Variants in CYP27A1 observed in about 807,000 individuals in gnomAD.
CYP27A1 encodes sterol 26-hydroxylase, mitochondrial.
Under a neutral mutation model 58.2 loss-of-function variants are expected in CYP27A1, and 46 were observed. That is an observed-to-expected ratio of 0.79 (90% CI 0.62 to 1.01). CYP27A1 has a LOEUF of 1.01. Ranked by LOEUF, CYP27A1 falls within the 50% of genes least tolerant of loss-of-function variation. The pLI is 0.00. For missense variants in CYP27A1, 704 were observed against 687.0 expected, an observed-to-expected ratio of 1.02 and a Z score of -0.28; for synonymous variants, 274 against 285.1, an observed-to-expected ratio of 0.96 and a Z score of 0.39.
intron 1 of CYP27A1, among the ~76,000 whole-genome samples, chr2:218,789,444 T>C (rs898745920): frequency 6.6e-6 from 1 of 152,146 alleles, no homozygotes; most frequent in Non-Finnish European, 1.5e-5. Flanking sequence ...AGAAGATGTA[T>C]GAACAGAAAA....
At chr2:218,800,254 G>T (rs12694443) in intron 1 of CYP27A1, among the ~76,000 whole-genome samples, 71,477 of 151,656 alleles carry the variant, frequency 0.47, 17,310 homozygotes, top group Non-Finnish European at 0.51. Context: ...GTTCCAGGAG[G>T]ATCACAGGGC....
At position 218,814,593 on chromosome 2, in the gene CYP27A1, T is replaced by G. The variant is rs367920782; in HGVS notation, c.1312T>G (p.Phe438Val). The change falls in exon 8 of 9, where the codon TTC becomes GTC. Residue 438 changes from phenylalanine to valine, a missense_variant. Phe to Val is a conservative substitution (Grantham distance 50, BLOSUM62 -1). Coordinates refer to ENST00000258415, the MANE Select transcript of CYP27A1 (RefSeq NM_000784.4). ...HYVVSRDPTAFSEPESFQPHR... is the reference protein window; with the variant it reads ...HYVVSRDPTAVSEPESFQPHR... Reference sequence around the variant, plus strand: ...TGTGGTGTCCCGGGACCCCACTGCCTTCTCTGAGCCTGAAAGCTTCCAGCC... The same window carrying G: ...TGTGGTGTCCCGGGACCCCACTGCCGTCTCTGAGCCTGAAAGCTTCCAGCC... 3.1e-6 allele frequency: 5 copies of G among 1,614,094 alleles called. No individual in the cohort carries two copies. The African/African-American group carries it at 6.7e-5, about 22-fold the overall frequency.
chr2:218,786,830 T>C (rs553965348), intron 1 of CYP27A1, among the ~76,000 whole-genome samples: 284 of 152,138 alleles, frequency 1.9e-3, no homozygotes, highest in African/African-American at 6.7e-3. Context: ...TGTCTCACTC[T>C]GTCACCCAGG....
Position 218,812,954 on chromosome 2 carries a change from A to G in CYP27A1, c.875A>G (p.Asp292Gly). 3 of 1,614,148 alleles carry G rather than the reference A, an allele frequency of 1.9e-6. No homozygotes were observed. The highest frequency in any genetic ancestry group is 2.5e-6 in the Non-Finnish European group (3 of 1,180,024). The change falls in exon 5 of 9, where the codon GAT becomes GGT. Residue 292 changes from aspartate to glycine, a missense_variant. Asp to Gly is a moderately conservative substitution (Grantham distance 94, BLOSUM62 -1). Transcript: ENST00000258415. ...AAGCTGATTGATGAGAAGCTCGAAG[A>G]TATGGAGGCCCAACTGCAGGCAGCA... ...GKKLIDEKLEDMEAQLQAAGP... is the reference protein window; with the variant it reads ...GKKLIDEKLEGMEAQLQAAGP...
At chr2:218,804,718 G>T (rs912357007) in intron 1 of CYP27A1, among the ~76,000 whole-genome samples, 1 of 152,200 alleles carries the variant, frequency 6.6e-6, no homozygotes, top group Non-Finnish European at 1.5e-5. Flanking sequence ...TCCTTCAGCA[G>T]TGTCTAGTAG....
rs537487169 is a variant in CYP27A1, at chr2:218,796,502, G to A, written c.256-13075G>A. 3.5e-4 allele frequency among the ~76,000 whole-genome samples: 53 copies of A among 152,228 alleles called. 1 individual carries two copies. The highest frequency in any genetic ancestry group is 1.7e-3 in the South Asian group (8 of 4,816). ...CCAGCTACTTGGGAAGCTGAGGCAG[G>A]AGAATCACTTGAACCCGGGAGGCAG... On this transcript the variant is annotated intron_variant, in intron 1 of 8. Transcript: ENST00000258415.
chr2:218,787,803 C>T (rs1190228602), intron 1 of CYP27A1, among the ~76,000 whole-genome samples: 1 of 152,168 alleles, frequency 6.6e-6, no homozygotes, highest in South Asian at 2.1e-4. Flanking sequence ...AAACAAATTG[C>T]TGTTCTTTAT....
In CYP27A1 at chr2:218,814,028, A is replaced by C; in HGVS notation, c.1025A>C (p.Asn342Thr). The C allele has an allele frequency of 8.7e-6, 14 of 1,614,012 alleles. No homozygotes were observed. Among genetic ancestry groups the C allele is most frequent in the Non-Finnish European group, 1.2e-5 (14 of 1,179,996 alleles). Residue 342 changes from asparagine to threonine, a missense_variant, in exon 6 of 9, where the codon AAC becomes ACC. Physicochemically the swap from Asn to Thr is moderately conservative, Grantham distance 65. Coordinates refer to ENST00000258415, the MANE Select transcript of CYP27A1 (RefSeq NM_000784.4). The part of the protein sequence containing the change: ...LLMAGVDTTS[N>T]TLTWALYHLS... Reference sequence around the variant, plus strand: ...TCCCACTCTATCTTCTAGACATCCAACACGCTGACATGGGCCCTGTACCAC... The same window carrying C: ...TCCCACTCTATCTTCTAGACATCCACCACGCTGACATGGGCCCTGTACCAC...
At position 218,804,625 on chromosome 2, in the gene CYP27A1, T is replaced by C. The variant is rs558672105; in HGVS notation, c.256-4952T>C. On this transcript the variant is annotated intron_variant, in intron 1 of 8. Transcript: ENST00000258415. ...GAATGCATTGAATTTGTAGTTTGCC[T>C]TGGGGAGTACTGCTGTTTTAACAAT... Among the ~76,000 whole-genome samples, 34 of 152,352 alleles carry C rather than the reference T, an allele frequency of 2.2e-4. 2 individuals carry two copies. Among genetic ancestry groups the C allele is most frequent in the African/African-American group, 7.9e-4 (33 of 41,580 alleles).
rs757381848 is a variant in CYP27A1 at position 218,814,554 on chromosome 2, G to C, written c.1273G>C (p.Val425Leu). ...CAATCTTCCTTTATAGACCCAGTTT[G>C]TGTTCTGCCACTATGTGGTGTCCCG... ...GFLFPKNTQF[V>L]FCHYVVSRDP... Residue 425 changes from valine (V) to leucine (L), a missense_variant, in exon 8 of 9, where the codon GTG (valine) becomes CTG (leucine). By Grantham distance (32) the Val-to-Leu change is conservative (BLOSUM62 1). Transcript: ENST00000258415. The C allele has an allele frequency of 4.3e-6, 7 of 1,614,226 alleles. No homozygotes were observed. Among genetic ancestry groups the C allele is most frequent in the Admixed American group, 1.7e-5 (1 of 60,030 alleles).
At chr2:218,800,895 T>A (rs925183745) in intron 1 of CYP27A1, among the ~76,000 whole-genome samples, 1 of 152,224 alleles carries the variant, frequency 6.6e-6, no homozygotes, top group Admixed American at 6.5e-5. Flanking sequence ...AATATGAATA[T>A]CTTTTTCAAT....
At chr2:218,799,943 C>A (rs1559388687) in intron 1 of CYP27A1, among the ~76,000 whole-genome samples, 2 of 151,926 alleles carry the variant, frequency 1.3e-5, no homozygotes, top group Non-Finnish European at 2.9e-5. Flanking sequence ...CTCTGATCCT[C>A]CTTAGAGAAG....
At chr2:218,795,961 A>C (rs1026496457) in intron 1 of CYP27A1, among the ~76,000 whole-genome samples, 1 of 152,164 alleles carries the variant, frequency 6.6e-6, no homozygotes, top group African/African-American at 2.4e-5. Flanking sequence ...AGCTGAGCCC[A>C]GCCATGGGTT....
At chr2:218,814,807 G>C (rs767829467) in intron 8 of CYP27A1, 50 bp downstream of exon 8, 1 of 1,613,538 alleles carries the variant, frequency 6.2e-7, no homozygotes, top group African/African-American at 1.3e-5. Flanking sequence ...GGGTGGAGGA[G>C]TCCTGGGAGG....
chr2:218,808,999 G>A (rs187671486), intron 1 of CYP27A1, among the ~76,000 whole-genome samples: 1 of 152,056 alleles, frequency 6.6e-6, no homozygotes, highest in African/African-American at 2.4e-5. Flanking sequence ...GGAAACTCAT[G>A]GGAAATAAAT....
chr2:218,812,791 T>A, intron 4 of CYP27A1, 42 bp downstream of exon 4: 1 of 1,609,806 alleles, frequency 6.2e-7, no homozygotes, highest in Non-Finnish European at 8.5e-7. Flanking sequence ...GAGATGGGGG[T>A]GACTCCAGGT....
At chr2:218,799,474 T>TA (rs1943578945) in intron 1 of CYP27A1, among the ~76,000 whole-genome samples, 1 of 152,116 alleles carries the variant, frequency 6.6e-6, no homozygotes, top group South Asian at 2.1e-4. Context: ...GATGCGGCCA[T>TA]ACCAAAGAAC....
intron 1 of CYP27A1, among the ~76,000 whole-genome samples, chr2:218,804,388 T>C (rs1232581143): frequency 6.6e-6 from 1 of 152,238 alleles, no homozygotes; most frequent in Non-Finnish European, 1.5e-5. Flanking sequence ...CTCAGTTGTA[T>C]TCCATTGGTC....
chr2:218,814,302 A>C, intron 6 of CYP27A1, 78 bp from the exon 7 acceptor site: 1 of 1,596,380 alleles, frequency 6.3e-7, no homozygotes, highest in South Asian at 1.1e-5. Context: ...ATGAGATGGG[A>C]GAGGTAGGGG....
Sources: allele counts gnomAD v4.1 joint callset (sites outside exome capture counted in the v4.1 genomes callset), GRCh38; gene constraint gnomAD v4.1.1; transcripts MANE v1.5; gene names NCBI Gene and HGNC (gene_info 2026-07-23, HGNC 2026-07-21).